The following PKHD1 variants were observed in gnomAD, a reference collection of about 807,000 sequenced individuals.
PKHD1 encodes the protein PKHD1 ciliary IPT domain containing fibrocystin/polyductin, also known as fibrocystin.
Under a neutral mutation model 412.0 loss-of-function variants are expected in PKHD1, and 291 were observed. That is an observed-to-expected ratio of 0.71 (90% CI 0.64 to 0.78). The LOEUF is 0.78. Ranked by LOEUF, PKHD1 falls within the 30% of genes least tolerant of loss-of-function variation. The pLI is 0.00. For synonymous variants in PKHD1, 1,777 were observed against 1,821.5 expected, an observed-to-expected ratio of 0.98 and a Z score of 0.62; for missense variants, 4,825 against 4,950.7, an observed-to-expected ratio of 0.97 and a Z score of 0.76.
chr6:51,860,355 GGGGT>G (rs1188602739), intron 48 of PKHD1, among the ~76,000 whole-genome samples: 1 of 152,128 alleles, frequency 6.6e-6, no homozygotes, highest in Non-Finnish European at 1.5e-5. Flanking sequence ...TGACCATGGA[GGGGT>G]CTTCTGAAAA....
intron 35 of PKHD1, among the ~76,000 whole-genome samples, chr6:51,993,445 G>A (rs1037505912): frequency 1.3e-5 from 2 of 152,176 alleles, no homozygotes; most frequent in African/African-American, 4.8e-5. Flanking sequence ...CATGAAGCTG[G>A]GAGTTAATTA....
At chr6:51,993,354 G>T (rs193017279) in intron 35 of PKHD1, among the ~76,000 whole-genome samples, 1 of 152,152 alleles carries the variant, frequency 6.6e-6, no homozygotes, top group African/African-American at 2.4e-5. Flanking sequence ...TGTTCCTGAC[G>T]TCTCATTATG....
intron 60 of PKHD1, among the ~76,000 whole-genome samples, chr6:51,661,189 C>G (rs766507522): frequency 1.3e-5 from 2 of 152,008 alleles, no homozygotes; most frequent in African/African-American, 4.8e-5. Flanking sequence ...AAAAGAGTCT[C>G]CTAGCACTAC....
chr6:51,745,749 CTG>C (rs1384039642), intron 59 of PKHD1, among the ~76,000 whole-genome samples: 1 of 152,130 alleles, frequency 6.6e-6, no homozygotes, highest in Non-Finnish European at 1.5e-5. Context: ...ATTATCCAGT[CTG>C]TGGTACTTTG....
Position 52,017,607 on chromosome 6 carries a change from G to C in PKHD1, c.5403C>G (p.Gly1801=). The C allele has an allele frequency of 1.9e-6, 3 of 1,613,628 alleles. No homozygotes were observed. Among genetic ancestry groups the C allele is most frequent in the Non-Finnish European group, 2.5e-6 (3 of 1,179,872 alleles). ...CACAGCTGTCCTCCTCACGCTTCAG[G>C]CCACACAGGAAGGCCAAGGACACTG... is the stretch of plus-strand genomic sequence containing the variant. The part of the protein sequence containing the change: ...PLDVSLAFLC[G]LKREEDSCEA... The change falls in exon 34 of 67, where the codon GGC becomes GGG. Residue 1801 remains glycine, a synonymous_variant. Coordinates refer to ENST00000371117, the MANE Select transcript of PKHD1 (RefSeq NM_138694.4).
At chr6:51,942,209 C>T (rs189312761) in intron 36 of PKHD1, among the ~76,000 whole-genome samples, 1 of 151,598 alleles carries the variant, frequency 6.6e-6, no homozygotes, top group Admixed American at 6.6e-5. Context: ...CTTAGCTCTC[C>T]CTGACTCATC....
At chr6:51,805,957 A>C (rs983193469) in intron 52 of PKHD1, among the ~76,000 whole-genome samples, 1 of 151,040 alleles carries the variant, frequency 6.6e-6, no homozygotes, top group Non-Finnish European at 1.5e-5. Context: ...ATACGTGTGC[A>C]TGTGTCTGTA....
At position 51,831,159 on chromosome 6, in the gene PKHD1, T is replaced by A. The variant is rs193241550; in HGVS notation, c.8174-170A>T. 4.9e-4 allele frequency among the ~76,000 whole-genome samples: 75 copies of A among 152,290 alleles called. 1 individual carries two copies. The highest frequency in any genetic ancestry group is 1.4e-3 in the African/African-American group (58 of 41,582). On this transcript the variant is annotated intron_variant, in intron 51 of 66. Coordinates refer to ENST00000371117, the MANE Select transcript of PKHD1 (RefSeq NM_138694.4). ...AGTTAAAAAGCAAGTAATTATTCAA[T>A]CCTTAGATTACCTTCACTTCTGAAA...
chr6:52,038,611 C>G (rs974074918), intron 27 of PKHD1, among the ~76,000 whole-genome samples: 1 of 152,126 alleles, frequency 6.6e-6, no homozygotes, highest in Admixed American at 6.5e-5. Flanking sequence ...TCTCAGACTT[C>G]TGGCCCCCAG....
At chr6:51,959,556 G>T (rs1010054060) in intron 36 of PKHD1, among the ~76,000 whole-genome samples, 1 of 152,082 alleles carries the variant, frequency 6.6e-6, no homozygotes, top group Non-Finnish European at 1.5e-5. Flanking sequence ...TTGCTATATT[G>T]TGGGGGCTGT....
chr6:51,628,616 A>T (rs1389951794), intron 65 of PKHD1, among the ~76,000 whole-genome samples: 1 of 152,058 alleles, frequency 6.6e-6, no homozygotes, highest in Non-Finnish European at 1.5e-5. Flanking sequence ...CTGAGTTGAA[A>T]ACTTCTGTTT....
In PKHD1 at chr6:51,628,061, G is replaced by A. The variant is rs577932929; in HGVS notation, c.11666-945C>T. ...AGGAGATAGTTATGGGTAGGAAATA[G>A]ACCTTTTCTTTTTCTTTTTCAACTT... On this transcript the variant is annotated intron_variant, in intron 65 of 66. Transcript: ENST00000371117. Among the ~76,000 whole-genome samples the A allele has an allele frequency of 1.4e-4, 21 of 152,226 alleles. No individual in the cohort carries two copies. The South Asian group carries it at 4.4e-3, about 32-fold the overall frequency.
chr6:51,833,488 A>G (rs1324385284), intron 51 of PKHD1, among the ~76,000 whole-genome samples: 1 of 152,124 alleles, frequency 6.6e-6, no homozygotes, highest in African/African-American at 2.4e-5. Flanking sequence ...ACTATTATTG[A>G]CAATCAAATT....
At position 52,072,198 on chromosome 6, in the gene PKHD1, A is replaced by G; in HGVS notation, c.528-9T>C. 1 of 1,449,854 alleles carries G rather than the reference A, an allele frequency of 6.9e-7. No homozygotes were observed. Among genetic ancestry groups the G allele is most frequent in the Non-Finnish European group, 9.6e-7 (1 of 1,037,334 alleles). The allele number at this position is 1,449,854 out of a possible 1,614,324, so 89.8% of individuals were successfully genotyped here. The stretch of plus-strand genomic sequence containing the variant: ...CTTCCAAGATCACTGGGCTGGATTT[A>G]AAAAAAAATGAAAACAAAAGACAAG... On this transcript the variant is annotated splice_polypyrimidine_tract_variant and intron_variant, in intron 7 of 66. Coordinates refer to ENST00000371117, the MANE Select transcript of PKHD1 (RefSeq NM_138694.4).
chr6:51,718,981 T>C (rs1781585545), intron 60 of PKHD1, among the ~76,000 whole-genome samples: 1 of 152,194 alleles, frequency 6.6e-6, no homozygotes, highest in Non-Finnish European at 1.5e-5. Context: ...CATGGCTTTA[T>C]TTAATTCAGA....
At chr6:52,072,000 T>C in intron 8 of PKHD1, 115 bp downstream of exon 8, 2 of 741,646 alleles carry the variant, frequency 2.7e-6, no homozygotes, top group South Asian at 1.5e-5. Context: ...TGATTTATAT[T>C]TTAAAAAAAC....
intron 43 of PKHD1, among the ~76,000 whole-genome samples, chr6:51,891,367 C>T (rs1226194541): frequency 6.6e-6 from 1 of 152,096 alleles, no homozygotes; most frequent in Non-Finnish European, 1.5e-5. Flanking sequence ...GCAACCTCCA[C>T]CTCCCGGATT....
At chr6:51,721,911 C>G in intron 60 of PKHD1, 5 of 1,610,054 alleles carry the variant, frequency 3.1e-6, no homozygotes, top group Non-Finnish European at 3.4e-6. Flanking sequence ...TTGGTCCATG[C>G]TCCAACCCAT....
At chr6:51,762,714 T>C (rs1439088811) in intron 55 of PKHD1, among the ~76,000 whole-genome samples, 1 of 151,876 alleles carries the variant, frequency 6.6e-6, no homozygotes, top group African/African-American at 2.4e-5. Context: ...ACAGTTCATC[T>C]GAAATATGCT....
Sources: allele counts gnomAD v4.1 joint callset (sites outside exome capture counted in the v4.1 genomes callset), GRCh38; gene constraint gnomAD v4.1.1; transcripts MANE v1.5; gene names NCBI Gene and HGNC (gene_info 2026-07-23, HGNC 2026-07-21).